CNTN1: variants seen among roughly 807,000 people sequenced by gnomAD.
CNTN1 encodes contactin 1.
In CNTN1, 38 loss-of-function variants were observed where a neutral mutation model predicts 126.4. That is an observed-to-expected ratio of 0.30 (90% CI 0.23 to 0.39). The LOEUF is 0.39. Ranked by LOEUF, CNTN1 falls within the 10% of genes least tolerant of loss-of-function variation. The pLI is 1.00. For missense variants in CNTN1, 1,009 were observed against 1,248.4 expected (o/e 0.81, Z 2.89); for synonymous variants, 413 against 422.6 (o/e 0.98, Z 0.28).
At chr12:40,906,880 G>T (rs1427363421) in intron 1 of CNTN1, among the ~76,000 whole-genome samples, 1 of 151,890 alleles carries the variant, frequency 6.6e-6, no homozygotes, top group Non-Finnish European at 1.5e-5. Context: ...GTTTCACCAT[G>T]TTGGTCAGGC....
intron 15 of CNTN1, among the ~76,000 whole-genome samples, chr12:40,968,236 T>C (rs1947376475): frequency 1.3e-5 from 2 of 152,298 alleles, no homozygotes; most frequent in South Asian, 4.1e-4. Context: ...ATATATTCAA[T>C]GTGATAAAAT....
At chr12:40,846,043 T>C (rs1390669458) in intron 1 of CNTN1, among the ~76,000 whole-genome samples, 4 of 152,144 alleles carry the variant, frequency 2.6e-5, no homozygotes, top group Admixed American at 6.5e-5. Context: ...CTATGGGAAA[T>C]AATCAGTTTA....
At chr12:41,060,080 C>G (rs981457730) in intron 23 of CNTN1, among the ~76,000 whole-genome samples, 1 of 152,124 alleles carries the variant, frequency 6.6e-6, no homozygotes, top group African/African-American at 2.4e-5. Context: ...TGTCCAGAAT[C>G]TTATGAATAA....
intron 1 of CNTN1, among the ~76,000 whole-genome samples, chr12:40,700,103 A>G (rs1213249224): frequency 6.6e-6 from 1 of 152,192 alleles, no homozygotes; most frequent in Non-Finnish European, 1.5e-5. Flanking sequence ...TTGATCATTT[A>G]GAACACACAC....
intron 23 of CNTN1, among the ~76,000 whole-genome samples, chr12:41,067,295 C>T (rs1484588161): frequency 6.6e-6 from 1 of 152,078 alleles, no homozygotes; most frequent in East Asian, 1.9e-4. Context: ...ATTTGGTTTT[C>T]ATACTAGTAC....
At chr12:41,026,573 AC>A (rs2094134583) in intron 21 of CNTN1, among the ~76,000 whole-genome samples, 1 of 152,150 alleles carries the variant, frequency 6.6e-6, no homozygotes, top group African/African-American at 2.4e-5. Flanking sequence ...GTAGTACAAA[AC>A]CTTAAGGTGA....
intron 9 of CNTN1, among the ~76,000 whole-genome samples, chr12:40,934,393 T>C (rs1946008633): frequency 6.6e-6 from 1 of 151,856 alleles, no homozygotes; most frequent in Non-Finnish European, 1.5e-5. Flanking sequence ...ATATTGGTCC[T>C]GGAGTCACAC....
In CNTN1 at chr12:41,070,161, A is replaced by G. The variant is rs1012687646; in HGVS notation, c.*126A>G. ...CAAATAAATTATACTTTAACAAACT[A>G]TTCAACTGATTTACAACACACATGA... is the stretch of plus-strand genomic sequence containing the variant. On this transcript the variant is annotated 3_prime_UTR_variant, in exon 24 of 24. Transcript: ENST00000551295. The G allele has an allele frequency of 2.5e-6, 2 of 810,564 alleles. No homozygotes were observed. Among genetic ancestry groups the G allele is most frequent in the Non-Finnish European group, 4.2e-6 (2 of 477,074 alleles). 50.2% of individuals were successfully genotyped at this position (810,564 alleles called of 1,614,324 possible). A position where few individuals can be genotyped will look rare whatever the true frequency, so the allele number is the denominator to read the frequency against.
At chr12:40,910,183 A>T (rs958080459) in intron 3 of CNTN1, 78 bp downstream of exon 3, 3 of 1,139,588 alleles carry the variant, frequency 2.6e-6, no homozygotes, top group Non-Finnish European at 3.9e-6. Context: ...TAAACTATTA[A>T]CTCTCTAAAC....
chr12:41,030,225 T>C (rs1949120407), intron 23 of CNTN1, among the ~76,000 whole-genome samples: 1 of 152,014 alleles, frequency 6.6e-6, no homozygotes, highest in Non-Finnish European at 1.5e-5. Flanking sequence ...GTGATTTTGA[T>C]ATAAAGAAAT....
At chr12:41,048,843 G>A (rs956086732) in intron 23 of CNTN1, among the ~76,000 whole-genome samples, 1 of 152,144 alleles carries the variant, frequency 6.6e-6, no homozygotes, top group African/African-American at 2.4e-5. Context: ...ACTAACGCAT[G>A]TTCTATTATC....
At chr12:40,700,207 C>CT (rs1015078118) in intron 1 of CNTN1, among the ~76,000 whole-genome samples, 4 of 151,522 alleles carry the variant, frequency 2.6e-5, no homozygotes, top group Admixed American at 1.3e-4. Flanking sequence ...CTTTCCCTTA[C>CT]TTTTTTTTTA....
chr12:40,925,109 A>T (rs1330525067), intron 6 of CNTN1, among the ~76,000 whole-genome samples: 1 of 151,750 alleles, frequency 6.6e-6, no homozygotes, highest in African/African-American at 2.4e-5. Flanking sequence ...AGGAATACCA[A>T]TCAGCAAGAA....
intron 1 of CNTN1, among the ~76,000 whole-genome samples, chr12:40,851,593 C>G (rs184501085): frequency 6.6e-6 from 1 of 151,994 alleles, no homozygotes. Flanking sequence ...AGTTGTTATT[C>G]ATACTTTTTT....
chr12:40,762,744 T>C (rs536533719), intron 1 of CNTN1, among the ~76,000 whole-genome samples: 2 of 152,286 alleles, frequency 1.3e-5, no homozygotes, highest in African/African-American at 2.4e-5. Context: ...AAATGATGAG[T>C]AAAATTATAC....
At chr12:40,977,771 G>T (rs4101070) in intron 15 of CNTN1, among the ~76,000 whole-genome samples, 2,730 of 16,526 alleles carry the variant, frequency 0.17, 106 homozygotes, top group African/African-American at 0.41. Context: ...CATCTGTTTT[G>T]TTTTGTTTTG....
intron 14 of CNTN1, among the ~76,000 whole-genome samples, chr12:40,950,509 A>G: frequency 6.6e-6 from 1 of 152,180 alleles, no homozygotes; most frequent in Non-Finnish European, 1.5e-5. Context: ...GAAATACATA[A>G]AAAGTATACA....
chr12:40,757,009 C>G (rs1026570853), intron 1 of CNTN1, among the ~76,000 whole-genome samples: 4 of 152,062 alleles, frequency 2.6e-5, no homozygotes, highest in Non-Finnish European at 4.4e-5. Context: ...TCTTGGTCAG[C>G]TTGGGCTGCA....
At chr12:40,711,800 A>G (rs540209888) in intron 1 of CNTN1, among the ~76,000 whole-genome samples, 1 of 151,916 alleles carries the variant, frequency 6.6e-6, no homozygotes, top group East Asian at 1.9e-4. Context: ...ATAACCTCAA[A>G]CTCCTGAGCT....
Sources: gnomAD v4.1 joint callset for allele counts (sites outside exome capture counted in the v4.1 genomes callset) on GRCh38, gnomAD v4.1.1 for gene constraint, MANE v1.5 for transcripts, NCBI Gene and HGNC (gene_info 2026-07-23, HGNC 2026-07-21) for gene names.